The following MXD1 variants were observed in gnomAD, a reference collection of about 807,000 sequenced individuals.
The protein encoded by MXD1 is MAX-binding protein.
MXD1 carries 9 observed loss-of-function variants against 25.7 expected under a neutral mutation model. The ratio of observed to expected loss-of-function variants is 0.35; its 90% CI spans 0.21 to 0.61. The LOEUF is 0.61. MXD1 is among the 20% of genes least tolerant of loss of function. MXD1 has a pLI of 0.75. For missense variants in MXD1, 227 were observed against 292.4 expected (o/e 0.78, Z 1.63); for synonymous variants, 99 against 113.9 (o/e 0.87, Z 0.83).
rs951880115 is a variant in MXD1 at position 69,942,444 on chromosome 2, C to T, written c.*4160C>T. 1.3e-5 allele frequency: 2 copies of T among 152,140 alleles called. No individual in the cohort carries two copies. The highest frequency in any genetic ancestry group is 2.9e-5 in the Non-Finnish European group (2 of 68,014). The allele number at this position is 152,140 out of a possible 1,614,324, so 9.4% of individuals were successfully genotyped here. ...AATTGACAGGCACTGCTAGATTCAG[C>T]TATTGAATGGCTGAAGAGATTGAGT... is the stretch of plus-strand genomic sequence containing the variant. On this transcript the variant is annotated 3_prime_UTR_variant, in exon 6 of 6. Coordinates refer to ENST00000264444, the MANE Select transcript of MXD1 (RefSeq NM_002357.4).
chr2:69,938,455 T>C lies in MXD1; in HGVS notation c.*171T>C, dbSNP rs184062453. On this transcript the variant is annotated 3_prime_UTR_variant, in exon 6 of 6. Transcript: ENST00000264444. ...GGTGCTTAGGATTGTGGGTTTCTGA[T>C]TGCATCCACTAGCTTCTCTTTTTCT... 1.6e-6 allele frequency: 1 copy of C among 620,016 alleles called. No homozygotes were observed. Among genetic ancestry groups the C allele is most frequent in the African/African-American group, 1.9e-5 (1 of 53,958 alleles). The allele number at this position is 620,016 out of a possible 1,614,324, so 38.4% of individuals were successfully genotyped here.
chr2:69,937,596 G>A (rs1677484271), intron 5 of MXD1, among the ~76,000 whole-genome samples: 1 of 152,136 alleles, frequency 6.6e-6, no homozygotes, highest in Non-Finnish European at 1.5e-5. Flanking sequence ...AGTTTGATTG[G>A]TGTCAGTTTT....
chr2:69,924,032 A>G (rs1677123681), intron 3 of MXD1, among the ~76,000 whole-genome samples: 1 of 152,258 alleles, frequency 6.6e-6, no homozygotes, highest in South Asian at 2.1e-4. Flanking sequence ...ATTATTTATT[A>G]TAGCACCTCA....
Position 69,942,917 on chromosome 2 carries a change from A to C in MXD1, c.*4633A>C, listed in dbSNP as rs1269181307. ...AAACTGTATTGTTCAACTGTTAACA[A>C]ATAATAAATTATTTCATTATTAAAG... On this transcript the variant is annotated 3_prime_UTR_variant, in exon 6 of 6. Coordinates refer to ENST00000264444, the MANE Select transcript of MXD1 (RefSeq NM_002357.4). 1 of 152,252 alleles carries C rather than the reference A, an allele frequency of 6.6e-6. No homozygotes were observed. The highest frequency in any genetic ancestry group is 2.4e-5 in the African/African-American group (1 of 41,462). The allele number at this position is 152,252 out of a possible 1,614,324, so 9.4% of individuals were successfully genotyped here. A position where few individuals can be genotyped will look rare whatever the true frequency, so the allele number is the denominator to read the frequency against.
At chr2:69,920,136 G>A (rs1677037813) in intron 2 of MXD1, among the ~76,000 whole-genome samples, 3 of 152,142 alleles carry the variant, frequency 2.0e-5, no homozygotes, top group Non-Finnish European at 2.9e-5. Context: ...TTACAGGCAC[G>A]CGCCACCACG....
At chr2:69,929,433 G>A (rs1399913877) in intron 3 of MXD1, among the ~76,000 whole-genome samples, 2 of 152,202 alleles carry the variant, frequency 1.3e-5, no homozygotes, top group Admixed American at 6.5e-5. Context: ...ACTAGCCTGA[G>A]AGAGATCCAT....
chr2:69,933,044 C>G (rs935452380), intron 3 of MXD1, among the ~76,000 whole-genome samples: 7 of 151,638 alleles, frequency 4.6e-5, no homozygotes, highest in Non-Finnish European at 8.8e-5. Flanking sequence ...GCTAAAAATA[C>G]AAAAATTAGC....
intron 2 of MXD1, among the ~76,000 whole-genome samples, chr2:69,918,565 A>T (rs2104160333): frequency 6.6e-6 from 1 of 152,358 alleles, no homozygotes; most frequent in Middle Eastern, 3.4e-3. Flanking sequence ...TTCAATGAGT[A>T]AAGCAAGCTT....
chr2:69,915,143 G>A lies in MXD1; in HGVS notation c.-188G>A. On this transcript the variant is annotated 5_prime_UTR_variant, in exon 1 of 6. Coordinates refer to ENST00000264444, the MANE Select transcript of MXD1 (RefSeq NM_002357.4). This position sits in a 1 kb window ranked among gnomAD's most constrained non-coding sequence, Gnocchi z 5.8. ...CGGGTTCTGTCACTGTGTCGGCGGT[G>A]CCCAGCTCACTGGCCCCCTCCCTCT... The A allele has an allele frequency of 4.7e-6, 2 of 429,782 alleles. No homozygotes were observed. Among genetic ancestry groups the A allele is most frequent in the African/African-American group, 4.1e-5 (2 of 49,142 alleles). 26.6% of individuals were successfully genotyped at this position (429,782 alleles called of 1,614,324 possible).
intron 3 of MXD1, 73 bp from the exon 4 acceptor site, chr2:69,935,278 G>T (rs1268965040): frequency 1.0e-5 from 11 of 1,060,508 alleles, no homozygotes; most frequent in Non-Finnish European, 1.5e-5. Context: ...CACTCTTTGA[G>T]AACTCATTCT....
intron 3 of MXD1, among the ~76,000 whole-genome samples, chr2:69,928,120 A>C (rs1165187365): frequency 6.6e-6 from 1 of 152,162 alleles, no homozygotes; most frequent in African/African-American, 2.4e-5. Flanking sequence ...CTCTATACTA[A>C]ATACCTTCTT....
chr2:69,928,779 G>A (rs574949829), intron 3 of MXD1, among the ~76,000 whole-genome samples: 1 of 151,792 alleles, frequency 6.6e-6, no homozygotes, highest in East Asian at 1.9e-4. Context: ...CTGCGAAGTT[G>A]ATGCTACAGT....
chr2:69,923,040 CAAA>C lies in MXD1; in HGVS notation c.203+1288_203+1290del, dbSNP rs149259918. Among the ~76,000 whole-genome samples the C allele has an allele frequency of 7.6e-3, 991 of 129,950 alleles. 6 individuals are homozygous for C. The highest frequency in any genetic ancestry group is 0.023 in the African/African-American group (885 of 38,548). 85.3% of individuals were successfully genotyped at this position (129,950 alleles called of 152,430 possible). The stretch of plus-strand genomic sequence containing the variant: ...ATTTTCTTGTATCTCTAGTAAACAC[CAAA>C]AAAAAAAAAAAACACACAAAACACC... On this transcript the variant is annotated intron_variant, in intron 3 of 5. Transcript: ENST00000264444.
intron 3 of MXD1, among the ~76,000 whole-genome samples, chr2:69,934,684 T>C (rs2104203947): frequency 6.6e-6 from 1 of 152,364 alleles, no homozygotes; most frequent in South Asian, 2.1e-4. Context: ...TAAGATAGCA[T>C]GGTATACTCA....
At chr2:69,922,197 T>C (rs1677079756) in intron 3 of MXD1, among the ~76,000 whole-genome samples, 2 of 152,234 alleles carry the variant, frequency 1.3e-5, no homozygotes, top group South Asian at 2.1e-4. Context: ...TATGTGTATT[T>C]GCAGTTTACT....
At chr2:69,935,507 A>G in intron 4 of MXD1, 42 bp downstream of exon 4, 1 of 1,371,430 alleles carries the variant, frequency 7.3e-7, no homozygotes, top group Non-Finnish European at 1.0e-6. Flanking sequence ...TTACCTGTTC[A>G]GTGAGGGTTT....
intron 3 of MXD1, among the ~76,000 whole-genome samples, chr2:69,932,668 G>A (rs1383969558): frequency 6.6e-6 from 1 of 152,160 alleles, no homozygotes; most frequent in Admixed American, 6.5e-5. Flanking sequence ...ACCCACATTT[G>A]GGTAGTGAAA....
At chr2:69,921,372 CCT>C (rs1209832944) in intron 2 of MXD1, among the ~76,000 whole-genome samples, 1 of 152,176 alleles carries the variant, frequency 6.6e-6, no homozygotes, top group African/African-American at 2.4e-5. Context: ...TGCTACCTCC[CCT>C]GTTCTACCCT....
intron 2 of MXD1, among the ~76,000 whole-genome samples, chr2:69,921,099 G>A (rs1053060536): frequency 6.6e-5 from 10 of 152,130 alleles, no homozygotes; most frequent in Non-Finnish European, 1.5e-4. Context: ...CAGTATATCA[G>A]TGGCAAAGCT....
Sources: gnomAD v4.1 joint callset for allele counts (sites outside exome capture counted in the v4.1 genomes callset) on GRCh38, gnomAD v4.1.1 for gene constraint, Gnocchi (gnomAD v3.1) non-coding constraint, MANE v1.5 for transcripts, NCBI Gene and HGNC (gene_info 2026-07-23, HGNC 2026-07-21) for gene names.